Variants in ST7L observed in about 807,000 individuals in gnomAD.
The protein encoded by ST7L is suppressor of tumorigenicity 7 protein-like.
Under a neutral mutation model 72.5 loss-of-function variants are expected in ST7L, and 57 were observed. The observed-to-expected ratio is 0.79, with a 90% CI of 0.64 to 0.98. ST7L has a LOEUF of 0.98. Among genes scored for constraint, ST7L ranks in the 50% least tolerant of loss-of-function variants. The probability of loss-of-function intolerance (pLI) is 0.00; values close to 1 mark genes in which losing one functional copy is unlikely to be tolerated. For synonymous variants in ST7L, 221 were observed against 240.9 expected (o/e 0.92, Z 0.77); for missense variants, 576 against 672.2 (o/e 0.86, Z 1.58).
rs1660732621 is a variant in ST7L at position 112,564,926 on chromosome 1, G to A, written c.1246-8908C>T. 3.3e-5 allele frequency among the ~76,000 whole-genome samples: 5 copies of A among 151,236 alleles called. No homozygotes were observed. In the South Asian group the frequency reaches 1.0e-3, roughly 32 times the overall value. Reference sequence around the variant, plus strand: ...AACCAGAACAGATTTTACTTTCTATGTATCAATTTATTTTTAAAACTTCCT... The same window carrying A: ...AACCAGAACAGATTTTACTTTCTATATATCAATTTATTTTTAAAACTTCCT... On this transcript the variant is annotated intron_variant, in intron 11 of 14. Transcript: ENST00000358039.
chr1:112,540,964 C>A, intron 14 of ST7L: 1 of 760,368 alleles, frequency 1.3e-6, no homozygotes, highest in Non-Finnish European at 1.9e-6. Context: ...TTACTTTGAG[C>A]CAGTGACATT....
At chr1:112,520,166 G>A (rs1269871095), downstream of ST7L, 1 of 1,033,692 alleles carries the variant, frequency 9.7e-7, no homozygotes. Context: ...GTGAGCCACT[G>A]TGCCCAGCCC....
intron 3 of ST7L, among the ~76,000 whole-genome samples, chr1:112,602,063 G>A (rs1247526582): frequency 1.6e-5 from 2 of 123,564 alleles, no homozygotes; most frequent in Admixed American, 2.1e-4. Context: ...CAGCCTGGGC[G>A]ACAAGAGCAA....
At chr1:112,581,949 G>T in intron 9 of ST7L, 43 bp downstream of exon 9, 1 of 1,244,926 alleles carries the variant, frequency 8.0e-7, no homozygotes, top group Non-Finnish European at 1.2e-6. Flanking sequence ...TTACATAATT[G>T]GAAAAGAATA....
intron 3 of ST7L, among the ~76,000 whole-genome samples, chr1:112,603,890 C>T (rs1301463440): frequency 6.6e-6 from 1 of 152,150 alleles, no homozygotes; most frequent in Non-Finnish European, 1.5e-5. Flanking sequence ...TTAATTACCA[C>T]CTGAAGCCCT....
chr1:112,568,330 A>ATTTTTTTTTTTTT (rs776031521), intron 11 of ST7L, among the ~76,000 whole-genome samples: 1 of 116,812 alleles, frequency 8.6e-6, no homozygotes, highest in Non-Finnish European at 1.7e-5. Flanking sequence ...CTGTAATAAT[A>ATTTTTTTTTTTTT]TTTTTTTTTT....
At chr1:112,611,264 A>C (rs527586569) in intron 2 of ST7L, among the ~76,000 whole-genome samples, 31 of 152,340 alleles carry the variant, frequency 2.0e-4, no homozygotes, top group African/African-American at 6.7e-4. Flanking sequence ...AAACAGAAAG[A>C]AGCATTTTAA....
chr1:112,611,469 C>T, intron 2 of ST7L, among the ~76,000 whole-genome samples: 1 of 152,154 alleles, frequency 6.6e-6, no homozygotes, highest in East Asian at 1.9e-4. Context: ...ATCTCAGAGC[C>T]TCAGCTAAAT....
chr1:112,596,597 A>G (rs1666514342), intron 5 of ST7L, among the ~76,000 whole-genome samples: 1 of 152,144 alleles, frequency 6.6e-6, no homozygotes, highest in East Asian at 1.9e-4. Flanking sequence ...ATTATTAGTG[A>G]AATTGCTTAG....
At chr1:112,543,472 C>T (rs1020073123) in intron 13 of ST7L, among the ~76,000 whole-genome samples, 3 of 152,142 alleles carry the variant, frequency 2.0e-5, no homozygotes, top group African/African-American at 7.2e-5. Flanking sequence ...CGCTTGAACC[C>T]GGGAGGCGGA....
Position 112,541,949 on chromosome 1 carries a change from A to G in ST7L, c.1629+2T>C, listed in dbSNP as rs866489069. ...TACACAAGTCCTTGAGATCATACTT[A>G]CAGCTTTAGCAAAAATACCCATGAT... On this transcript the variant is annotated splice_donor_variant, in intron 14 of 14. Coordinates refer to ENST00000358039, the MANE Select transcript of ST7L (RefSeq NM_017744.5). LOFTEE classifies it high-confidence loss of function. 5.6e-6 allele frequency: 9 copies of G among 1,613,446 alleles called. 1 individual carries two copies. The African/African-American group carries it at 8.0e-5, about 14-fold the overall frequency.
chr1:112,567,300 C>A (rs1661214588), intron 11 of ST7L, among the ~76,000 whole-genome samples: 1 of 152,030 alleles, frequency 6.6e-6, no homozygotes, highest in Non-Finnish European at 1.5e-5. Flanking sequence ...TTTGTAGTAT[C>A]TGTTCAAGGC....
At chr1:112,563,097 T>TATAATAATAATAATAATAATA (rs146284524) in intron 11 of ST7L, among the ~76,000 whole-genome samples, 6 of 149,676 alleles carry the variant, frequency 4.0e-5, no homozygotes, top group African/African-American at 1.5e-4. Flanking sequence ...TTACTTTTGT[T>TATAATAATAATAATAATAATA]ATAATAATAA....
downstream of ST7L, among the ~76,000 whole-genome samples, chr1:112,519,872 C>CTTCTTT (rs10634267): frequency 1.0e-4 from 12 of 115,652 alleles, no homozygotes; most frequent in African/African-American, 1.3e-4. Flanking sequence ...GCCCATGCTT[C>CTTCTTT]TTTTTTTTTT....
intron 11 of ST7L, among the ~76,000 whole-genome samples, chr1:112,570,908 G>A (rs1380877252): frequency 1.3e-5 from 2 of 152,128 alleles, no homozygotes; most frequent in South Asian, 2.1e-4. Flanking sequence ...GGTGGCTCAC[G>A]CCTGTAATCC....
At chr1:112,547,665 C>T (rs368534096) in intron 13 of ST7L, among the ~76,000 whole-genome samples, 3 of 141,994 alleles carry the variant, frequency 2.1e-5, no homozygotes, top group South Asian at 4.5e-4. Flanking sequence ...CAGGTTCAAG[C>T]GATTCTCCTG....
At chr1:112,572,445 A>C (rs1662307482) in intron 11 of ST7L, among the ~76,000 whole-genome samples, 1 of 152,236 alleles carries the variant, frequency 6.6e-6, no homozygotes, top group Admixed American at 6.5e-5. Flanking sequence ...TACTTTGGAA[A>C]TCTGTTGTTT....
At chr1:112,518,050 T>C in the ST7L span, 3 of 152,204 alleles carry the variant, frequency 2.0e-5, no homozygotes, top group African/African-American at 7.2e-5. Context: ...CTTTATCCAG[T>C]GTGCTGCCAT....
intron 6 of ST7L, 57 bp from the exon 7 acceptor site, chr1:112,584,183 T>C: frequency 6.4e-7 from 1 of 1,554,156 alleles, no homozygotes; most frequent in Admixed American, 1.8e-5. Context: ...GTGTTTTCTC[T>C]TGGTTATGTC....
Sources: gnomAD v4.1 joint callset for allele counts (sites outside exome capture counted in the v4.1 genomes callset) on GRCh38, gnomAD v4.1.1 for gene constraint, MANE v1.5 for transcripts, NCBI Gene and HGNC (gene_info 2026-07-23, HGNC 2026-07-21) for gene names.